Variants in ARFIP1 observed in about 807,000 individuals in gnomAD.
ARFIP1 encodes arfaptin-1.
Under a neutral mutation model 42.5 loss-of-function variants are expected in ARFIP1, and 24 were observed. The observed-to-expected ratio is 0.57, with a 90% CI of 0.41 to 0.80. The LOEUF (loss-of-function observed/expected upper bound fraction) is 0.80, where lower values mean the gene tolerates loss of function less well. Ranked by LOEUF, ARFIP1 falls within the 30% of genes least tolerant of loss-of-function variation. The pLI, the probability that ARFIP1 is intolerant of heterozygous loss-of-function variation, is 0.00. For synonymous variants in ARFIP1, 141 were observed against 153.7 expected, an observed-to-expected ratio of 0.92 and a Z score of 0.61; for missense variants, 354 against 434.0, an observed-to-expected ratio of 0.82 and a Z score of 1.64.
intron 1 of ARFIP1, among the ~76,000 whole-genome samples, chr4:152,823,741 C>G (rs559260624): frequency 3.8e-5 from 5 of 132,882 alleles, no homozygotes; most frequent in Non-Finnish European, 7.7e-5. Flanking sequence ...CACACCACTA[C>G]ACTCCAGCCT....
intron 8 of ARFIP1, among the ~76,000 whole-genome samples, chr4:152,899,047 G>A (rs569285787): frequency 1.1e-4 from 16 of 152,192 alleles, no homozygotes; most frequent in Middle Eastern, 3.4e-3. Context: ...GCCCCATTTC[G>A]TCACTTACCA....
chr4:152,841,007 A>T (rs1261749822), intron 2 of ARFIP1, among the ~76,000 whole-genome samples: 1 of 150,834 alleles, frequency 6.6e-6, no homozygotes, highest in Non-Finnish European at 1.5e-5. Flanking sequence ...GTCGTGAGCC[A>T]CTGCACCCAG....
rs563057602 is a variant in ARFIP1 at position 152,834,881 on chromosome 4, A to G, written c.93+5155A>G. Among the ~76,000 whole-genome samples the G allele has an allele frequency of 5.3e-5, 8 of 152,298 alleles. No individual in the cohort carries two copies. The South Asian group carries it at 1.4e-3, about 28-fold the overall frequency. On this transcript the variant is annotated intron_variant, in intron 2 of 8. Coordinates refer to ENST00000353617, the MANE Select transcript of ARFIP1 (RefSeq NM_001025595.3). ...TGCATTCTCTGCACCTACAGGCTTAACACCACATGGAAGCTGCCAAGACAT... is the reference window on the plus strand; with the variant it reads ...TGCATTCTCTGCACCTACAGGCTTAGCACCACATGGAAGCTGCCAAGACAT...
At chr4:152,872,346 T>G in intron 4 of ARFIP1, 106 bp from the exon 5 acceptor site, 1 of 731,082 alleles carries the variant, frequency 1.4e-6, no homozygotes. Flanking sequence ...CCTTTTTTTC[T>G]TTTTTTAGAT....
At chr4:152,884,801 A>G (rs1278195822) in intron 7 of ARFIP1, among the ~76,000 whole-genome samples, 2 of 152,084 alleles carry the variant, frequency 1.3e-5, no homozygotes, top group African/African-American at 4.8e-5. Context: ...AGTAGGCCTT[A>G]TACCTGAGTA....
intron 2 of ARFIP1, among the ~76,000 whole-genome samples, chr4:152,843,883 C>G (rs76485632): frequency 0.011 from 1,696 of 152,306 alleles, 41 homozygotes; most frequent in African/African-American, 0.038. Context: ...CTTGCATGGC[C>G]TGTGGAGTCT....
At chr4:152,812,820 TC>T (rs144168950) in intron 1 of ARFIP1, among the ~76,000 whole-genome samples, 1,794 of 152,316 alleles carry the variant, frequency 0.012, 39 homozygotes, top group African/African-American at 0.041. Flanking sequence ...GGTAGGTCAT[TC>T]TAGATTCCTC....
intron 2 of ARFIP1, among the ~76,000 whole-genome samples, chr4:152,859,789 C>T (rs1035358876): frequency 1.3e-5 from 2 of 150,532 alleles, no homozygotes; most frequent in African/African-American, 2.5e-5. Flanking sequence ...CTAAAGGTGT[C>T]GTTTTATAAA....
chr4:152,907,156 T>A (rs1738428908), intron 8 of ARFIP1, among the ~76,000 whole-genome samples: 1 of 152,200 alleles, frequency 6.6e-6, no homozygotes, highest in African/African-American at 2.4e-5. Context: ...GTTGATTGCT[T>A]GCATTCCCAA....
At chr4:152,780,507 A>C (rs1730422605) in intron 1 of ARFIP1, among the ~76,000 whole-genome samples, 1 of 152,166 alleles carries the variant, frequency 6.6e-6, no homozygotes, top group Admixed American at 6.5e-5. Flanking sequence ...GGGTGGGAAA[A>C]GGAGTTGCAG....
chr4:152,845,564 A>G (rs1406446416), intron 2 of ARFIP1, among the ~76,000 whole-genome samples: 1 of 152,234 alleles, frequency 6.6e-6, no homozygotes, highest in Admixed American at 6.5e-5. Context: ...GCTTTTCAAA[A>G]GAAGACATAC....
chr4:152,803,228 G>A (rs6535876), intron 1 of ARFIP1, among the ~76,000 whole-genome samples: 125,439 of 152,046 alleles, frequency 0.83, 51,889 homozygotes, highest in Non-Finnish European at 0.85. Flanking sequence ...CTGGAGTGCT[G>A]TTTGGTCCAC....
chr4:152,845,572 T>C (rs1732473168), intron 2 of ARFIP1, among the ~76,000 whole-genome samples: 1 of 152,096 alleles, frequency 6.6e-6, no homozygotes, highest in Admixed American at 6.5e-5. Flanking sequence ...AAAGAAGACA[T>C]ACAAGTAGCC....
rs146508965 is a variant in ARFIP1, at chr4:152,902,004, A to C, written c.967-8060A>C. The stretch of plus-strand genomic sequence containing the variant: ...TGTTGCCCTTTCTTGTCTGTTTCAA[A>C]TTTTGTTTCAAAGGTTTCTAAAATG... On this transcript the variant is annotated intron_variant, in intron 8 of 8. Transcript: ENST00000353617. Among the ~76,000 whole-genome samples the C allele has an allele frequency of 2.7e-4, 41 of 152,200 alleles. 2 individuals are homozygous for C. In the East Asian group the frequency reaches 7.7e-3, roughly 29 times the overall value.
chr4:152,789,249 C>T (rs1314627346), intron 1 of ARFIP1, among the ~76,000 whole-genome samples: 2 of 151,712 alleles, frequency 1.3e-5, no homozygotes, highest in South Asian at 2.1e-4. Context: ...TGCCACCATG[C>T]CCGGCTAATT....
chr4:152,880,950 C>A lies in ARFIP1; in HGVS notation c.412-13C>A, dbSNP rs1482136541. On this transcript the variant is annotated splice_polypyrimidine_tract_variant and intron_variant, in intron 5 of 8. Transcript: ENST00000353617. ...TTTTTTCTTTCTAAACAAAATGCAT[C>A]TTCCACTTTTAGTGTACTCGACAGA... is the stretch of plus-strand genomic sequence containing the variant. 6.3e-7 allele frequency: 1 copy of A among 1,593,092 alleles called. No homozygotes were observed. The highest frequency in any genetic ancestry group is 8.6e-7 in the Non-Finnish European group (1 of 1,165,792).
intron 8 of ARFIP1, among the ~76,000 whole-genome samples, chr4:152,908,078 G>T (rs533300007): frequency 8.5e-4 from 129 of 152,252 alleles, no homozygotes; most frequent in East Asian, 4.8e-3. Context: ...GTTTTAATTT[G>T]AGTTTTCCTA....
chr4:152,842,447 A>G (rs1732175241), intron 2 of ARFIP1, among the ~76,000 whole-genome samples: 1 of 151,822 alleles, frequency 6.6e-6, no homozygotes, highest in Admixed American at 6.6e-5. Context: ...TTGTATTTGG[A>G]TGTCTAAGTC....
chr4:152,910,916 T>G lies in ARFIP1; in HGVS notation c.*697T>G, dbSNP rs181285870. The G allele has an allele frequency of 6.5e-5, 10 of 152,746 alleles. No homozygotes were observed. The East Asian group carries it at 1.2e-3, about 18-fold the overall frequency. 9.5% of individuals were successfully genotyped at this position (152,746 alleles called of 1,614,324 possible). A position where few individuals can be genotyped will look rare whatever the true frequency, so the allele number is the denominator to read the frequency against. ...GTCATTGGACAGTTACATTTGCAAT[T>G]TCTTTTGGTTCATAACAAAACCTGC... On this transcript the variant is annotated 3_prime_UTR_variant, in exon 9 of 9. Coordinates refer to ENST00000353617, the MANE Select transcript of ARFIP1 (RefSeq NM_001025595.3).
Sources: gnomAD v4.1 joint callset for allele counts (sites outside exome capture counted in the v4.1 genomes callset) on GRCh38, gnomAD v4.1.1 for gene constraint, MANE v1.5 for transcripts, NCBI Gene and HGNC (gene_info 2026-07-23, HGNC 2026-07-21) for gene names.